ANGEL2: variants seen among roughly 807,000 people sequenced by gnomAD.
ANGEL2 encodes angel homolog 2, also known as RNA 2',3'-cyclic phosphatase ANGEL2.
In ANGEL2, 41 loss-of-function variants were observed where a neutral mutation model predicts 66.0. The ratio of observed to expected loss-of-function variants is 0.62; its 90% confidence interval spans 0.48 to 0.81. ANGEL2 has a LOEUF of 0.81. Among genes scored for constraint, ANGEL2 ranks in the 30% least tolerant of loss-of-function variants. The pLI, the probability that ANGEL2 is intolerant of heterozygous loss-of-function variation, is 0.00. For missense variants in ANGEL2, 561 were observed against 641.6 expected (o/e 0.87, Z 1.36); for synonymous variants, 208 against 226.5 (o/e 0.92, Z 0.73).
chr1:213,006,110 A>C (rs1005904859), intron 4 of ANGEL2, among the ~76,000 whole-genome samples: 1 of 152,148 alleles, frequency 6.6e-6, no homozygotes. Flanking sequence ...TTTTTGCCCA[A>C]TGCTATATCC....
In ANGEL2 at chr1:212,993,106, C is replaced by G. The variant is rs1029621329; in HGVS notation, c.*1935G>C. On this transcript the variant is annotated 3_prime_UTR_variant, in exon 9 of 9. Transcript: ENST00000366962. Reference sequence around the variant, plus strand: ...TGGATCACCCCTGAGGTCAGGAGTTCAAGACCAGCCTGGCCAACATGGCAA... The same window carrying G: ...TGGATCACCCCTGAGGTCAGGAGTTGAAGACCAGCCTGGCCAACATGGCAA... 6.6e-6 allele frequency: 1 copy of G among 151,972 alleles called. No homozygotes were observed. The highest frequency in any genetic ancestry group is 2.4e-5 in the African/African-American group (1 of 41,380). 9.4% of individuals were successfully genotyped at this position (151,972 alleles called of 1,614,324 possible).
At chr1:213,003,351 A>C (rs1321341527) in intron 5 of ANGEL2, among the ~76,000 whole-genome samples, 3 of 151,690 alleles carry the variant, frequency 2.0e-5, no homozygotes, top group East Asian at 3.8e-4. Context: ...TGTTTGGTGC[A>C]AGAGGCCTAG....
intron 4 of ANGEL2, chr1:213,006,924 T>C: frequency 4.7e-6 from 2 of 428,486 alleles, no homozygotes; most frequent in Non-Finnish European, 8.2e-6. Context: ...TTGCCTTGTC[T>C]CTATAAAAAA....
chr1:213,007,099 GAAAAA>G, intron 4 of ANGEL2, 25 bp downstream of exon 4: 3 of 1,386,210 alleles, frequency 2.2e-6, no homozygotes, highest in Admixed American at 3.8e-5. Context: ...TCTCAAAAAA[GAAAAA>G]AAAAAAAAAA....
At chr1:213,004,775 G>A (rs2076272722) in intron 5 of ANGEL2, among the ~76,000 whole-genome samples, 1 of 148,860 alleles carries the variant, frequency 6.7e-6, no homozygotes, top group African/African-American at 2.5e-5. Context: ...GGCTGAGGCA[G>A]GAGAATCACT....
In ANGEL2 at chr1:212,996,643, A is replaced by G. The variant is rs1166118713; in HGVS notation, c.1483+512T>C. 4.6e-4 allele frequency among the ~76,000 whole-genome samples: 39 copies of G among 85,286 alleles called. 1 individual carries two copies. Among genetic ancestry groups the G allele is most frequent in the Admixed American group, 1.2e-3 (8 of 6,426 alleles). 56.0% of individuals were successfully genotyped at this position (85,286 alleles called of 152,430 possible). On this transcript the variant is annotated intron_variant, in intron 8 of 8. Transcript: ENST00000366962. ...GTATCCAAAAAAAAAAAAAAAAAATATATATATATATATATATATATATAT... is the reference window on the plus strand; with the variant it reads ...GTATCCAAAAAAAAAAAAAAAAAATGTATATATATATATATATATATATAT...
chr1:213,007,151 G>C lies in ANGEL2; in HGVS notation c.690C>G (p.Ile230Met), dbSNP rs1558184770. The change falls in exon 4 of 9, where the codon ATC (isoleucine) becomes ATG (methionine). Residue 230 changes from isoleucine (I) to methionine (M), a missense_variant. Transcript: ENST00000366962. ...EVQEDHYGAE[I>M]RPSLESLGYH... ...TACCCAGTGATTCCAAACTTGGCCT[G>C]ATCTCTGCTCCATAATGATCTTCTT... The C allele has an allele frequency of 1.2e-6, 2 of 1,605,782 alleles. No homozygotes were observed. The highest frequency in any genetic ancestry group is 1.7e-6 in the Non-Finnish European group (2 of 1,176,768).
rs554225257 is a variant in ANGEL2, at chr1:213,008,534, T to C, written c.386-68A>G. On this transcript the variant is annotated intron_variant, in intron 2 of 8. Transcript: ENST00000366962. Reference sequence around the variant, plus strand: ...CAGACCATACAGTTTCCCACATATATGTATTTTTCAGCCTCTTAAAAATTC... The same window carrying C: ...CAGACCATACAGTTTCCCACATATACGTATTTTTCAGCCTCTTAAAAATTC... 11 of 1,523,578 alleles carry C rather than the reference T, an allele frequency of 7.2e-6. No homozygotes were observed. In the African/African-American group the frequency reaches 1.2e-4, roughly 17 times the overall value. The allele number at this position is 1,523,578 out of a possible 1,614,324, so 94.4% of individuals were successfully genotyped here.
At chr1:213,008,149 C>T in intron 3 of ANGEL2, 61 bp downstream of exon 3, 1 of 1,546,294 alleles carries the variant, frequency 6.5e-7, no homozygotes, top group Non-Finnish European at 8.8e-7. Context: ...CAAGCATGAG[C>T]CAGTGTGCCC....
At chr1:213,005,531 G>T in intron 4 of ANGEL2, 77 bp from the exon 5 acceptor site, 5 of 1,374,874 alleles carry the variant, frequency 3.6e-6, no homozygotes, top group Non-Finnish European at 4.9e-6. Context: ...TGATACTTCT[G>T]AACAATGTTT....
rs953483745 is a variant in ANGEL2, at chr1:213,000,639, A to G, written c.1261+147T>C. 6 of 887,070 alleles carry G rather than the reference A, an allele frequency of 6.8e-6. No individual in the cohort carries two copies. The African/African-American group carries it at 8.7e-5, about 13-fold the overall frequency. 54.9% of individuals were successfully genotyped at this position (887,070 alleles called of 1,614,324 possible). On this transcript the variant is annotated intron_variant, in intron 6 of 8. Transcript: ENST00000366962. ...TTCAACTTTAAAAAGGTAAATTTAGAGGTCTTAAGAAAAAAAATGAATAAC... is the reference window on the plus strand; with the variant it reads ...TTCAACTTTAAAAAGGTAAATTTAGGGGTCTTAAGAAAAAAAATGAATAAC...
At position 213,008,196 on chromosome 1, in the gene ANGEL2, T is replaced by C. The variant is rs1272696256; in HGVS notation, c.642+14A>G. On this transcript the variant is annotated intron_variant, in intron 3 of 8. Coordinates refer to ENST00000366962, the MANE Select transcript of ANGEL2 (RefSeq NM_144567.5). The stretch of plus-strand genomic sequence containing the variant: ...TTTCTTATGTGAAGAATTTCAATAA[T>C]ATTTTGCACTTACGTCTGCATCAAA... The C allele has an allele frequency of 4.4e-6, 7 of 1,604,300 alleles. No homozygotes were observed. Among genetic ancestry groups the C allele is most frequent in the African/African-American group, 1.3e-5 (1 of 74,388 alleles).
rs982625508 is a variant in ANGEL2, at chr1:212,993,930, T to C, written c.*1111A>G. 1 of 152,202 alleles carries C rather than the reference T, an allele frequency of 6.6e-6. No individual in the cohort carries two copies. The highest frequency in any genetic ancestry group is 2.4e-5 in the African/African-American group (1 of 41,438). 9.4% of individuals were successfully genotyped at this position (152,202 alleles called of 1,614,324 possible). A position where few individuals can be genotyped will look rare whatever the true frequency, so the allele number is the denominator to read the frequency against. ...AATTTCCTAATAAAATAAATTTCTA[T>C]AGAACTGGTTCAGTAAAATAAAATC... On this transcript the variant is annotated 3_prime_UTR_variant, in exon 9 of 9. Transcript: ENST00000366962.
At position 213,013,670 on chromosome 1, in the gene ANGEL2, A is replaced by G. The variant is rs143593033; in HGVS notation, c.60-252T>C. Reference sequence around the variant, plus strand: ...ATGCCTCCCAGGCTCCCAAAATACCACATACCCCTGAAAATGTACATAGTT... The same window carrying G: ...ATGCCTCCCAGGCTCCCAAAATACCGCATACCCCTGAAAATGTACATAGTT... On this transcript the variant is annotated intron_variant, in intron 1 of 8. Transcript: ENST00000366962. Among the ~76,000 whole-genome samples, 716 of 152,354 alleles carry G rather than the reference A, an allele frequency of 4.7e-3. 2 individuals are homozygous for G. Among genetic ancestry groups the G allele is most frequent in the Non-Finnish European group, 7.3e-3 (498 of 68,038 alleles).
chr1:212,996,059 G>A (rs1257394855), intron 8 of ANGEL2, among the ~76,000 whole-genome samples: 2 of 152,196 alleles, frequency 1.3e-5, no homozygotes, highest in Non-Finnish European at 2.9e-5. Context: ...TGTAATCCCA[G>A]CACTTTGGGA....
At position 212,994,263 on chromosome 1, in the gene ANGEL2, CAA is replaced by C. The variant is rs2075938605; in HGVS notation, c.*776_*777del. 5.9e-5 allele frequency: 9 copies of C among 152,030 alleles called. No individual in the cohort carries two copies. The highest frequency in any genetic ancestry group is 1.5e-5 in the Non-Finnish European group (1 of 68,014). 9.4% of individuals were successfully genotyped at this position (152,030 alleles called of 1,614,324 possible). ...GCCATTGCACCCCCAGCCTGGGCAA[CAA>C]GAGTGAAACTCCATCTCAAAAAATA... On this transcript the variant is annotated 3_prime_UTR_variant, in exon 9 of 9. Transcript: ENST00000366962.
At chr1:213,002,766 A>T (rs535677153) in intron 5 of ANGEL2, among the ~76,000 whole-genome samples, 5 of 152,182 alleles carry the variant, frequency 3.3e-5, no homozygotes, top group African/African-American at 1.2e-4. Flanking sequence ...AAAAAATATT[A>T]AAAAATTAGC....
rs551388883 is a variant in ANGEL2 at position 212,993,799 on chromosome 1, A to T, written c.*1242T>A. On this transcript the variant is annotated 3_prime_UTR_variant, in exon 9 of 9. Coordinates refer to ENST00000366962, the MANE Select transcript of ANGEL2 (RefSeq NM_144567.5). ...CAGTTTAAATGACTATTTACAGAGCATTAGGTCTCCAAGTTAATATCTCCC... is the reference window on the plus strand; with the variant it reads ...CAGTTTAAATGACTATTTACAGAGCTTTAGGTCTCCAAGTTAATATCTCCC... 1 of 152,328 alleles carries T rather than the reference A, an allele frequency of 6.6e-6. No homozygotes were observed. Among genetic ancestry groups the T allele is most frequent in the African/African-American group, 2.4e-5 (1 of 41,566 alleles). The allele number at this position is 152,328 out of a possible 1,614,324, so 9.4% of individuals were successfully genotyped here. A position where few individuals can be genotyped will look rare whatever the true frequency, so the allele number is the denominator to read the frequency against.
intron 3 of ANGEL2, among the ~76,000 whole-genome samples, chr1:213,007,689 T>A (rs922842830): frequency 2.6e-5 from 4 of 152,214 alleles, no homozygotes; most frequent in African/African-American, 9.6e-5. Context: ...AAAAGTTAGA[T>A]GATTATTCAT....
Sources: allele counts gnomAD v4.1 joint callset (sites outside exome capture counted in the v4.1 genomes callset), GRCh38; gene constraint gnomAD v4.1.1; transcripts MANE v1.5; gene names NCBI Gene and HGNC (gene_info 2026-07-23, HGNC 2026-07-21).